AGBL3: variants seen among roughly 807,000 people sequenced by gnomAD.
The protein encoded by AGBL3 is AGBL carboxypeptidase 3, also known as cytosolic carboxypeptidase 3.
In AGBL3, 68 loss-of-function variants were observed where a neutral mutation model predicts 94.5. The observed-to-expected ratio is 0.72, with a 90% CI of 0.59 to 0.88. AGBL3 has a LOEUF of 0.88. Among genes scored for constraint, AGBL3 ranks in the 40% least tolerant of loss-of-function variants. AGBL3 has a pLI of 0.00. For synonymous variants in AGBL3, 354 were observed against 370.7 expected (o/e 0.95, Z 0.52); for missense variants, 934 against 1,103.8 (o/e 0.85, Z 2.18).
At chr7:135,124,269 C>T (rs1313087168) in intron 16 of AGBL3, among the ~76,000 whole-genome samples, 1 of 149,880 alleles carries the variant, frequency 6.7e-6, no homozygotes, top group Admixed American at 6.6e-5. Flanking sequence ...ACAAAATAGA[C>T]TTTAAACCAA....
intron 15 of AGBL3, among the ~76,000 whole-genome samples, chr7:135,110,121 G>A (rs1446744980): frequency 2.6e-5 from 4 of 152,164 alleles, no homozygotes; most frequent in Non-Finnish European, 4.4e-5. Flanking sequence ...TCTGTCTCAG[G>A]GAGGTGTAAC....
intron 12 of AGBL3, among the ~76,000 whole-genome samples, chr7:135,068,140 T>A (rs550295287): frequency 1.3e-5 from 2 of 152,104 alleles, no homozygotes; most frequent in Non-Finnish European, 2.9e-5. Context: ...GTATCAGTGA[T>A]GGAAGATCAA....
chr7:135,000,158 C>T (rs1456191921), intron 4 of AGBL3, among the ~76,000 whole-genome samples: 2 of 152,242 alleles, frequency 1.3e-5, no homozygotes, highest in African/African-American at 4.8e-5. Flanking sequence ...GTTTCTTTCA[C>T]ATCACTTAAG....
chr7:134,998,138 G>A (rs907014282), intron 4 of AGBL3, among the ~76,000 whole-genome samples: 2 of 152,150 alleles, frequency 1.3e-5, no homozygotes, highest in Non-Finnish European at 2.9e-5. Flanking sequence ...CTGCAGTATT[G>A]TAGTAGATGT....
intron 8 of AGBL3, among the ~76,000 whole-genome samples, chr7:135,039,750 A>G (rs1310500077): frequency 6.6e-6 from 1 of 151,964 alleles, no homozygotes; most frequent in African/African-American, 2.4e-5. Context: ...AGAAAAGAAC[A>G]AAGGTCTTGA....
rs1817119331 is a variant in AGBL3, at chr7:135,044,013, G to A, written c.1501-12G>A. On this transcript the variant is annotated splice_polypyrimidine_tract_variant and intron_variant, in intron 8 of 16. Transcript: ENST00000436302. ...AGAACAACGAGTCTCATTTTTATTTGCTGCTTTTCAGTTTTCATTCTCAGC... is the reference window on the plus strand; with the variant it reads ...AGAACAACGAGTCTCATTTTTATTTACTGCTTTTCAGTTTTCATTCTCAGC... 1 of 1,544,422 alleles carries A rather than the reference G, an allele frequency of 6.5e-7. No homozygotes were observed. The highest frequency in any genetic ancestry group is 1.4e-5 in the African/African-American group (1 of 72,832).
rs1456950798 is a variant in AGBL3, at chr7:135,021,331, A to G, written c.418+4172A>G. The stretch of plus-strand genomic sequence containing the variant: ...TTTTGAGACAGAGTCTCGCTCTGTT[A>G]CCCAGGCTGGAGTGCAGTGGCGCTA... On this transcript the variant is annotated intron_variant, in intron 5 of 16. Coordinates refer to ENST00000436302, the MANE Select transcript of AGBL3 (RefSeq NM_178563.4). Among the ~76,000 whole-genome samples the G allele has an allele frequency of 2.5e-4, 35 of 140,146 alleles. No individual in the cohort carries two copies. The Admixed American group carries it at 2.6e-3, about 10-fold the overall frequency. 91.9% of individuals were successfully genotyped at this position (140,146 alleles called of 152,430 possible).
intron 16 of AGBL3, among the ~76,000 whole-genome samples, chr7:135,120,259 C>A (rs998960357): frequency 2.0e-5 from 3 of 151,956 alleles, no homozygotes; most frequent in African/African-American, 7.2e-5. Context: ...ATGGTTGAAG[C>A]AAAAATTATA....
intron 11 of AGBL3, among the ~76,000 whole-genome samples, chr7:135,055,402 T>C (rs1818253880): frequency 6.6e-6 from 1 of 152,220 alleles, no homozygotes; most frequent in African/African-American, 2.4e-5. Flanking sequence ...GTATGTTAGC[T>C]GTAAGGTTTC....
At chr7:135,015,858 C>CAAAAAAAAA (rs780785475) in intron 4 of AGBL3, among the ~76,000 whole-genome samples, 5 of 77,004 alleles carry the variant, frequency 6.5e-5, no homozygotes, top group African/African-American at 2.5e-4. Context: ...ACTAAAAATA[C>CAAAAAAAAA]AAAAAAAAGA....
intron 7 of AGBL3, among the ~76,000 whole-genome samples, 155 bp downstream of exon 7, chr7:135,035,083 T>A (rs1816168969): frequency 6.6e-6 from 1 of 152,090 alleles, no homozygotes; most frequent in Non-Finnish European, 1.5e-5. Context: ...CAACTGTGAT[T>A]CTATACCCTT....
At chr7:135,015,149 GT>G (rs1213778866) in intron 4 of AGBL3, among the ~76,000 whole-genome samples, 1 of 152,154 alleles carries the variant, frequency 6.6e-6, no homozygotes, top group African/African-American at 2.4e-5. Context: ...CCATGTTGAT[GT>G]TTAAGTCCAT....
chr7:135,036,312 T>C (rs1462158530), intron 7 of AGBL3, among the ~76,000 whole-genome samples: 1 of 152,164 alleles, frequency 6.6e-6, no homozygotes, highest in Non-Finnish European at 1.5e-5. Flanking sequence ...GTTATTTTTA[T>C]ATTGAGTGTT....
intron 15 of AGBL3, among the ~76,000 whole-genome samples, chr7:135,102,108 T>C (rs1046604316): frequency 2.6e-5 from 4 of 152,222 alleles, no homozygotes; most frequent in Non-Finnish European, 4.4e-5. Flanking sequence ...GTCTGGAGAA[T>C]GTCTTTATCA....
intron 5 of AGBL3, among the ~76,000 whole-genome samples, chr7:135,028,968 A>G (rs1227801575): frequency 6.6e-6 from 1 of 152,250 alleles, no homozygotes; most frequent in Admixed American, 6.5e-5. Context: ...ATAAGCAGTA[A>G]TATTTTAAAA....
At position 135,008,213 on chromosome 7, in the gene AGBL3, G is replaced by T. The variant is rs532441677; in HGVS notation, c.311-8839G>T. ...AAAAAACTTAAGAACATATTTGAGA[G>T]CTCACAATTTCTGATTTCAAAACTT... On this transcript the variant is annotated intron_variant, in intron 4 of 16. Transcript: ENST00000436302. Among the ~76,000 whole-genome samples the T allele has an allele frequency of 2.0e-5, 3 of 152,096 alleles. No homozygotes were observed. The East Asian group carries it at 5.8e-4, about 29-fold the overall frequency.
chr7:135,077,439 AT>A (rs1455348304), intron 13 of AGBL3, among the ~76,000 whole-genome samples: 2 of 152,044 alleles, frequency 1.3e-5, no homozygotes, highest in Admixed American at 6.6e-5. Flanking sequence ...GAAGAGTGCC[AT>A]TTCCTCCATC....
intron 5 of AGBL3, 148 bp from the exon 6 acceptor site, chr7:135,032,696 C>G: frequency 3.3e-6 from 2 of 613,774 alleles, no homozygotes; most frequent in Non-Finnish European, 5.0e-6. Flanking sequence ...CTTAGATTCT[C>G]TTATTTCAAC....
chr7:135,004,729 A>C (rs538389627), intron 4 of AGBL3, among the ~76,000 whole-genome samples: 48 of 151,668 alleles, frequency 3.2e-4, no homozygotes, highest in African/African-American at 1.1e-3. Flanking sequence ...TTTCCTTTAA[A>C]GATAGGAGAT....
Sources: gnomAD v4.1 joint callset for allele counts (sites outside exome capture counted in the v4.1 genomes callset) on GRCh38, gnomAD v4.1.1 for gene constraint, MANE v1.5 for transcripts, NCBI Gene and HGNC (gene_info 2026-07-23, HGNC 2026-07-21) for gene names.